The following SURF1 variants were observed in gnomAD, a reference collection of about 807,000 sequenced individuals.
The protein encoded by SURF1 is surfeit locus protein 1.
In SURF1, 45 loss-of-function variants were observed where a neutral mutation model predicts 34.1. The ratio of observed to expected loss-of-function variants is 1.32; its 90% CI spans 1.04 to 1.69. SURF1 has a LOEUF of 1.69. Ranked by LOEUF, SURF1 falls within the 40% of genes most tolerant of loss-of-function variation. SURF1 has a pLI of 0.00. For synonymous variants in SURF1, 188 were observed against 147.5 expected (o/e 1.27, Z -1.99); for missense variants, 456 against 384.6 (o/e 1.19, Z -1.55).
chr9:133,353,640 G>T, intron 5 of SURF1, 109 bp downstream of exon 5: 1 of 1,323,004 alleles, frequency 7.6e-7, no homozygotes. Context: ...GGTATCTTGG[G>T]TTCCCCAGGG....
intron 4 of SURF1, 55 bp from the exon 5 acceptor site, chr9:133,353,995 C>G (rs1836504989): frequency 6.2e-7 from 1 of 1,606,646 alleles, no homozygotes; most frequent in Admixed American, 1.7e-5. Flanking sequence ...AACGAATCCC[C>G]TGAGGGTGGC....
Position 133,352,778 on chromosome 9 carries a change from A to G in SURF1, c.516-12T>C, listed in dbSNP as rs1387980435. 7 of 1,607,378 alleles carry G rather than the reference A, an allele frequency of 4.4e-6. No individual in the cohort carries two copies. Among genetic ancestry groups the G allele is most frequent in the African/African-American group, 1.3e-5 (1 of 74,694 alleles). On this transcript the variant is annotated splice_polypyrimidine_tract_variant and intron_variant, in intron 5 of 8. Coordinates refer to ENST00000371974, the MANE Select transcript of SURF1 (RefSeq NM_003172.4). Reference sequence around the variant, plus strand: ...CCAGGATGGTGACTCTAGGGTAATGAAAGTGCTACTTCAGGTGGGGAGGGT... The same window carrying G: ...CCAGGATGGTGACTCTAGGGTAATGGAAGTGCTACTTCAGGTGGGGAGGGT...
At position 133,351,880 on chromosome 9, in the gene SURF1, T is replaced by G; in HGVS notation, c.*33A>C. On this transcript the variant is annotated 3_prime_UTR_variant, in exon 9 of 9. Coordinates refer to ENST00000371974, the MANE Select transcript of SURF1 (RefSeq NM_003172.4). The stretch of plus-strand genomic sequence containing the variant: ...ATAAAGGCAGTCTTGAAATACTGCA[T>G]TATCCAGGGACAGGGCTTCAGCAGC... The G allele has an allele frequency of 6.2e-7, 1 of 1,607,032 alleles. No individual in the cohort carries two copies. Among genetic ancestry groups the G allele is most frequent in the Non-Finnish European group, 8.5e-7 (1 of 1,175,866 alleles).
At position 133,351,878 on chromosome 9, in the gene SURF1, C is replaced by T. The variant is rs1465164135; in HGVS notation, c.*35G>A. ...GCATAAAGGCAGTCTTGAAATACTG[C>T]ATTATCCAGGGACAGGGCTTCAGCA... On this transcript the variant is annotated 3_prime_UTR_variant, in exon 9 of 9. Transcript: ENST00000371974. 12 of 1,605,164 alleles carry T rather than the reference C, an allele frequency of 7.5e-6. No homozygotes were observed. The East Asian group carries it at 1.3e-4, about 18-fold the overall frequency.
At chr9:133,352,201 T>A (rs1381401552) in intron 7 of SURF1, 59 bp from the exon 8 acceptor site, 22 of 1,511,346 alleles carry the variant, frequency 1.5e-5, no homozygotes, top group Non-Finnish European at 2.0e-5. Context: ...CTGCACCACT[T>A]CCTAGTGGCT....
chr9:133,352,369 CTG>C, intron 7 of SURF1, 75 bp downstream of exon 7: 1 of 1,604,558 alleles, frequency 6.2e-7, no homozygotes, highest in South Asian at 1.1e-5. Context: ...ACAGTAGTGA[CTG>C]GGCAATGAGG....
chr9:133,356,328 C>CACGG lies in SURF1; in HGVS notation c.55-12_55-9dup, dbSNP rs1213684772. 1.3e-6 allele frequency: 2 copies of CACGG among 1,514,290 alleles called. No homozygotes were observed. Among genetic ancestry groups the CACGG allele is most frequent in the Admixed American group, 4.1e-5 (2 of 49,218 alleles). The allele number at this position is 1,514,290 out of a possible 1,614,324, so 93.8% of individuals were successfully genotyped here. On this transcript the variant is annotated splice_polypyrimidine_tract_variant and intron_variant, in intron 1 of 8. Coordinates refer to ENST00000371974, the MANE Select transcript of SURF1 (RefSeq NM_003172.4). The stretch of plus-strand genomic sequence containing the variant: ...GGCGGCGCTGGCCGGGGCCTGCGGA[C>CACGG]ACGGACGGGCGGGCTGAGCTCCGGG...
chr9:133,355,039 G>A (rs2130020430), intron 2 of SURF1, 82 bp from the exon 3 acceptor site: 1 of 1,586,250 alleles, frequency 6.3e-7, no homozygotes, highest in East Asian at 2.2e-5. Context: ...ACAGACTCCA[G>A]TACTGCCAAT....
At chr9:133,353,965 C>T (rs2130015768) in intron 4 of SURF1, 25 bp from the exon 5 acceptor site, 269 of 1,613,454 alleles carry the variant, frequency 1.7e-4, no homozygotes, top group Middle Eastern at 5.0e-4. Flanking sequence ...GAACAGTGGC[C>T]GAGCAAGGTT....
In SURF1 at chr9:133,352,508, CGAT is replaced by C; in HGVS notation, c.686_688del (p.Tyr229_Arg230delinsTer). 2 of 1,614,194 alleles carry C rather than the reference CGAT, an allele frequency of 1.2e-6. No homozygotes were observed. The highest frequency in any genetic ancestry group is 1.1e-5 in the South Asian group (1 of 91,084). Reference sequence around the variant, plus strand: ...GATTCTGGCCATAGCTTCCAGGTCTCGATAATGCCAGTGGTTCCTTTCTGGATT... The same window carrying C: ...GATTCTGGCCATAGCTTCCAGGTCTCAATGCCAGTGGTTCCTTTCTGGATT... On this transcript the variant is annotated stop_gained and inframe_deletion, in exon 7 of 9. Coordinates refer to ENST00000371974, the MANE Select transcript of SURF1 (RefSeq NM_003172.4). LOFTEE classifies it high-confidence loss of function.
chr9:133,354,490 G>C (rs1035885332), intron 4 of SURF1, among the ~76,000 whole-genome samples, 169 bp downstream of exon 4: 9 of 152,166 alleles, frequency 5.9e-5, no homozygotes, highest in Admixed American at 1.3e-4. Flanking sequence ...CACAAGGGCA[G>C]TCAGGTGTCA....
chr9:133,354,556 T>C (rs2130017289), intron 4 of SURF1, 103 bp downstream of exon 4: 69 of 1,358,162 alleles, frequency 5.1e-5, no homozygotes, highest in Non-Finnish European at 6.8e-5. Context: ...GTCAAGGCAG[T>C]GACTAAAAGT....
intron 7 of SURF1, 96 bp downstream of exon 7, chr9:133,352,350 A>C: frequency 6.3e-7 from 1 of 1,589,358 alleles, no homozygotes; most frequent in Non-Finnish European, 8.6e-7. Context: ...ACATGTGAGA[A>C]CATAAGCCAC....
rs2130009139 is a variant in SURF1 at position 133,352,674 on chromosome 9, G to A, written c.588+20C>T. 3.1e-6 allele frequency: 5 copies of A among 1,613,728 alleles called. No homozygotes were observed. Among genetic ancestry groups the A allele is most frequent in the Non-Finnish European group, 4.2e-6 (5 of 1,179,872 alleles). On this transcript the variant is annotated intron_variant, in intron 6 of 8. Transcript: ENST00000371974. ...ACTCCCAGAGCCTTCTCTAAAGTAG[G>A]AAGAGTCCATGTCCCTTACCTGGCC...
In SURF1 at chr9:133,351,938, A is replaced by G; in HGVS notation, c.878T>C (p.Phe293Ser). 6.2e-7 allele frequency: 1 copy of G among 1,613,918 alleles called. No individual in the cohort carries two copies. The highest frequency in any genetic ancestry group is 1.3e-5 in the African/African-American group (1 of 75,038). Residue 293 changes from phenylalanine to serine, a missense_variant, in exon 9 of 9, where the codon TTC (phenylalanine) becomes TCC (serine). Physicochemically the swap from Phe to Ser is radical, Grantham distance 155. Coordinates refer to ENST00000371974, the MANE Select transcript of SURF1 (RefSeq NM_003172.4). ...AATSYLWFKKFLRGTPGV is the reference protein window; with the variant it reads ...AATSYLWFKKSLRGTPGV ...TCACACACCAGGTGTCCCACGTAGG[A>G]ATTTCTTAAACCACAGGTAGGATGT...
Position 133,353,959 on chromosome 9 carries a change from A to C in SURF1, c.324-19T>G, listed in dbSNP as rs2130015727. 6 of 1,613,592 alleles carry C rather than the reference A, an allele frequency of 3.7e-6. No individual in the cohort carries two copies. The highest frequency in any genetic ancestry group is 1.3e-5 in the African/African-American group (1 of 74,938). On this transcript the variant is annotated intron_variant, in intron 4 of 8. Transcript: ENST00000371974. ...CATTGGGCTGCATGGAGATAAGAAC[A>C]GTGGCCGAGCAAGGTTTGGCTGGAA... is the stretch of plus-strand genomic sequence containing the variant.
Position 133,352,709 on chromosome 9 carries a change from G to T in SURF1, c.573C>A (p.Thr191=). The T allele has an allele frequency of 1.2e-6, 2 of 1,613,278 alleles. No individual in the cohort carries two copies. The highest frequency in any genetic ancestry group is 1.7e-6 in the Non-Finnish European group (2 of 1,179,762). ...FVPRKKVNPE[T]RQKGQIEGEV... ...TGTCCCTTACCTGGCCTTTCTGCCG[G>T]GTTTCAGGATTCACTTTCTTCCTGG... Residue 191 remains threonine (T), a synonymous_variant, in exon 6 of 9, where the codon ACC becomes ACA. Coordinates refer to ENST00000371974, the MANE Select transcript of SURF1 (RefSeq NM_003172.4).
rs2130009756 is a variant in SURF1, at chr9:133,352,739, G to A, written c.543C>T (p.Phe181=). The A allele has an allele frequency of 9.1e-3, 14,680 of 1,612,502 alleles. 1,267 individuals are homozygous for A. The East Asian group carries it at 0.23, about 25-fold the overall frequency. The part of the protein sequence containing the change: ...LGVTILVNRG[F]VPRKKVNPET... ...CAGGATTCACTTTCTTCCTGGGAAC[G>A]AACCCTCTATTTACCAGGATGGTGA... is the stretch of plus-strand genomic sequence containing the variant. The change falls in exon 6 of 9, where the codon TTC becomes TTT. Residue 181 remains phenylalanine (F), a synonymous_variant. Transcript: ENST00000371974.
intron 5 of SURF1, 66 bp downstream of exon 5, chr9:133,353,683 G>C (rs372457808): frequency 2.5e-6 from 4 of 1,578,634 alleles, no homozygotes; most frequent in African/African-American, 2.7e-5. Flanking sequence ...GAAGGAAATA[G>C]TGATGTAAAT....
Sources: allele counts gnomAD v4.1 joint callset (sites outside exome capture counted in the v4.1 genomes callset), GRCh38; gene constraint gnomAD v4.1.1; transcripts MANE v1.5; gene names NCBI Gene and HGNC (gene_info 2026-07-23, HGNC 2026-07-21).